Variants in EPHX2 observed in about 807,000 individuals in gnomAD.
EPHX2 encodes the protein epoxide hydrolase 2.
EPHX2 carries 74 observed loss-of-function variants against 78.7 expected under a neutral mutation model. That is an observed-to-expected ratio of 0.94 (90% CI 0.78 to 1.14). EPHX2 has a LOEUF of 1.14. Among genes scored for constraint, EPHX2 ranks in the 50% most tolerant of loss-of-function variants. EPHX2 has a pLI of 0.00. For synonymous variants in EPHX2, 251 were observed against 255.2 expected, an observed-to-expected ratio of 0.98 and a Z score of 0.16; for missense variants, 715 against 702.5, an observed-to-expected ratio of 1.02 and a Z score of -0.20.
chr8:27,501,400 C>CTTCTTCTTCTTT (rs1813796064), intron 2 of EPHX2, among the ~76,000 whole-genome samples: 1 of 106,844 alleles, frequency 9.4e-6, no homozygotes. Context: ...CTTCTTTCTT[C>CTTCTTCTTCTTT]TTTCTTCTTT....
In EPHX2 at chr8:27,516,362, G is replaced by T. The variant is rs763618063; in HGVS notation, c.874G>T (p.Asp292Tyr). 1 of 1,613,990 alleles carries T rather than the reference G, an allele frequency of 6.2e-7. No individual in the cohort carries two copies. Among genetic ancestry groups the T allele is most frequent in the Admixed American group, 1.7e-5 (1 of 60,000 alleles). ...AQAGYRVLAM[D>Y]MKGYGESSAP... is the part of the protein sequence containing the mutation. ...GGCAGGTTACCGGGTCCTAGCTATG[G>T]ACATGAAAGGCTATGGAGAGTCATC... Residue 292 changes from aspartate to tyrosine, a missense_variant, in exon 8 of 19, where the codon GAC (aspartate) becomes TAC (tyrosine). Physicochemically the swap from Asp to Tyr is radical, Grantham distance 160. Coordinates refer to ENST00000521400, the MANE Select transcript of EPHX2 (RefSeq NM_001979.6).
intron 13 of EPHX2, among the ~76,000 whole-genome samples, chr8:27,538,138 C>T (rs978189039): frequency 6.6e-6 from 1 of 152,194 alleles, no homozygotes; most frequent in Non-Finnish European, 1.5e-5. Context: ...GCTATGAATT[C>T]CCAAGGGGGT....
chr8:27,507,117 G>A (rs1814040840), intron 5 of EPHX2, 123 bp downstream of exon 5: 2 of 1,274,016 alleles, frequency 1.6e-6, no homozygotes. Flanking sequence ...GGGCACCGCT[G>A]GTTGGGAGTC....
At chr8:27,492,647 T>C (rs1813422070) in intron 1 of EPHX2, among the ~76,000 whole-genome samples, 1 of 152,238 alleles carries the variant, frequency 6.6e-6, no homozygotes, top group African/African-American at 2.4e-5. Flanking sequence ...AGGTTGCCGC[T>C]ACTGGCTGGG....
At chr8:27,512,816 G>A (rs930337166) in intron 6 of EPHX2, among the ~76,000 whole-genome samples, 2 of 151,690 alleles carry the variant, frequency 1.3e-5, no homozygotes, top group African/African-American at 4.9e-5. Context: ...GTGAGCATCA[G>A]TATCCACAAC....
At chr8:27,503,129 A>G (rs1345686922) in intron 2 of EPHX2, among the ~76,000 whole-genome samples, 1 of 152,210 alleles carries the variant, frequency 6.6e-6, no homozygotes, top group Non-Finnish European at 1.5e-5. Flanking sequence ...AGCCCCTTCT[A>G]CCATGTGAAG....
rs1251806719 is a variant in EPHX2, at chr8:27,504,990, G to A, written c.381G>A (p.Leu127=). 1 of 1,614,086 alleles carries A rather than the reference G, an allele frequency of 6.2e-7. No homozygotes were observed. Among genetic ancestry groups the A allele is most frequent in the South Asian group, 1.1e-5 (1 of 91,070 alleles). The part of the protein sequence containing the change: ...FTTAILTNTW[L]DDRAERDGLA... ...CTGCCATCCTCACCAACACCTGGCT[G>A]GACGACCGTGCTGAGAGAGATGGCC... is the stretch of plus-strand genomic sequence containing the variant. The change falls in exon 4 of 19, where the codon CTG becomes CTA. Residue 127 remains leucine, a synonymous_variant. Coordinates refer to ENST00000521400, the MANE Select transcript of EPHX2 (RefSeq NM_001979.6).
At chr8:27,496,879 G>A (rs970779831) in intron 1 of EPHX2, among the ~76,000 whole-genome samples, 7 of 152,190 alleles carry the variant, frequency 4.6e-5, no homozygotes, top group Middle Eastern at 3.4e-3. Flanking sequence ...CAACAAATGG[G>A]TAACTTGTTC....
downstream of EPHX2, among the ~76,000 whole-genome samples, chr8:27,547,737 C>G (rs1815598745): frequency 6.6e-6 from 1 of 152,146 alleles, no homozygotes; most frequent in African/African-American, 2.4e-5. Flanking sequence ...CTCCTATCCT[C>G]CATTCTACTT....
intron 2 of EPHX2, among the ~76,000 whole-genome samples, chr8:27,501,367 T>TTCTTCTTCTTCC (rs1813777856): frequency 7.5e-6 from 1 of 133,066 alleles, no homozygotes; most frequent in Non-Finnish European, 1.6e-5. Context: ...CTTCTTCTTC[T>TTCTTCTTCTTCC]TCTTCTTCTT....
Position 27,503,611 on chromosome 8 carries a change from C to T in EPHX2, c.194C>T (p.Pro65Leu), listed in dbSNP as rs1388338820. 2.5e-6 allele frequency: 4 copies of T among 1,610,088 alleles called. No individual in the cohort carries two copies. In the African/African-American group the frequency reaches 4.0e-5, roughly 16 times the overall value. Residue 65 changes from proline to leucine, a missense_variant, in exon 3 of 19, where the codon CCA becomes CTA. Coordinates refer to ENST00000521400, the MANE Select transcript of EPHX2 (RefSeq NM_001979.6). The part of the protein sequence containing the change: ...KGEITLSQWI[P>L]LMEENCRKCS... The stretch of plus-strand genomic sequence containing the variant: ...CTCACTTCACTTTGACAGTGGATAC[C>T]ACTCATGGAAGAAAACTGCAGGAAG...
At chr8:27,527,865 A>C (rs1418468168) in intron 12 of EPHX2, among the ~76,000 whole-genome samples, 1 of 152,198 alleles carries the variant, frequency 6.6e-6, no homozygotes, top group African/African-American at 2.4e-5. Context: ...AGCAACACGA[A>C]GAATTCTCTC....
At chr8:27,502,613 C>G (rs1041640766) in intron 2 of EPHX2, among the ~76,000 whole-genome samples, 1 of 152,162 alleles carries the variant, frequency 6.6e-6, no homozygotes, top group African/African-American at 2.4e-5. Context: ...TCTTGGTTTG[C>G]AGATGGCCAC....
chr8:27,523,161 C>T (rs1286549827), intron 11 of EPHX2, among the ~76,000 whole-genome samples: 3 of 152,058 alleles, frequency 2.0e-5, no homozygotes, highest in Admixed American at 6.6e-5. Flanking sequence ...AATCAGAAAG[C>T]GTGGCCTTCG....
intron 9 of EPHX2, among the ~76,000 whole-genome samples, chr8:27,518,371 C>T (rs183563222): frequency 6.6e-6 from 1 of 152,324 alleles, no homozygotes; most frequent in East Asian, 1.9e-4. Context: ...GTACTGCATT[C>T]GATTGCCTCA....
At chr8:27,546,749 C>T (rs1416387469), downstream of EPHX2, among the ~76,000 whole-genome samples, 1 of 152,206 alleles carries the variant, frequency 6.6e-6, no homozygotes, top group Non-Finnish European at 1.5e-5. Flanking sequence ...TTGAATAACT[C>T]CATTCCATAG....
chr8:27,501,336 CT>C (rs1442660529), intron 2 of EPHX2, among the ~76,000 whole-genome samples: 32 of 95,002 alleles, frequency 3.4e-4, no homozygotes, highest in African/African-American at 1.2e-3. Context: ...TCTTCTTCTT[CT>C]TCTTCTTCTT....
In EPHX2 at chr8:27,511,835, G is replaced by A. The variant is rs1814260127; in HGVS notation, c.661-1G>A. On this transcript the variant is annotated splice_acceptor_variant, in intron 5 of 18. Transcript: ENST00000521400. LOFTEE classifies it high-confidence loss of function. Reference sequence around the variant, plus strand: ...TCTCACTATACCTTTCCTGCTTACAGCTTCTCAATACCCCGGCCCCTCTGC... The same window carrying A: ...TCTCACTATACCTTTCCTGCTTACAACTTCTCAATACCCCGGCCCCTCTGC... 1 of 1,614,010 alleles carries A rather than the reference G, an allele frequency of 6.2e-7. No individual in the cohort carries two copies. Among genetic ancestry groups the A allele is most frequent in the East Asian group, 2.2e-5 (1 of 44,890 alleles).
chr8:27,525,675 G>A (rs1046652445), intron 12 of EPHX2, among the ~76,000 whole-genome samples: 1 of 152,096 alleles, frequency 6.6e-6, no homozygotes, highest in Non-Finnish European at 1.5e-5. Flanking sequence ...GTGTGTGTTC[G>A]GGTGGTGAAG....
Sources: gnomAD v4.1 joint callset for allele counts (sites outside exome capture counted in the v4.1 genomes callset) on GRCh38, gnomAD v4.1.1 for gene constraint, MANE v1.5 for transcripts, NCBI Gene and HGNC (gene_info 2026-07-23, HGNC 2026-07-21) for gene names.